Variants in CAPN14 observed in about 807,000 individuals in gnomAD.
CAPN14 encodes the protein calpain-14.
Under a neutral mutation model 101.3 loss-of-function variants are expected in CAPN14, and 94 were observed. That is an observed-to-expected ratio of 0.93 (90% CI 0.79 to 1.10). The LOEUF is 1.10. Among genes scored for constraint, CAPN14 ranks in the 50% least tolerant of loss-of-function variants. The pLI is 0.00. For missense variants in CAPN14, 837 were observed against 828.4 expected, an observed-to-expected ratio of 1.01 and a Z score of -0.13; for synonymous variants, 338 against 317.9, an observed-to-expected ratio of 1.06 and a Z score of -0.67.
rs368345214 is a variant in CAPN14 at position 31,181,169 on chromosome 2, G to A, written c.1646-169C>T. On this transcript the variant is annotated intron_variant, in intron 16 of 21. Transcript: ENST00000403897. ...GTAGAGAGACGGGGGGGTGACGGTC[G>A]TTCCTACCCATGGAGAAAGTCAAAT... Among the ~76,000 whole-genome samples the A allele has an allele frequency of 3.6e-4, 55 of 152,238 alleles. 1 individual carries two copies. The highest frequency in any genetic ancestry group is 1.2e-3 in the African/African-American group (50 of 41,552).
At chr2:31,206,329 C>T (rs1405338681) in intron 1 of CAPN14, among the ~76,000 whole-genome samples, 1 of 152,184 alleles carries the variant, frequency 6.6e-6, no homozygotes, top group African/African-American at 2.4e-5. Flanking sequence ...AAGGCCCCCA[C>T]GGGCGGTCAC....
chr2:31,229,456 T>C (rs553387366), intron 1 of CAPN14, among the ~76,000 whole-genome samples: 1 of 152,130 alleles, frequency 6.6e-6, no homozygotes, highest in African/African-American at 2.4e-5. Context: ...AGCCAAGTAT[T>C]CACTATCAAA....
intron 3 of CAPN14, among the ~76,000 whole-genome samples, chr2:31,202,720 C>A (rs1242404606): frequency 6.6e-6 from 1 of 152,086 alleles, no homozygotes; most frequent in Non-Finnish European, 1.5e-5. Flanking sequence ...CTGCTTTGAT[C>A]CTATTCTGGC....
In CAPN14 at chr2:31,229,149, A is replaced by C. The variant is rs143962434; in HGVS notation, c.-176-2498T>G. ...AACCGTAATTAAAAAGCAAGGGGAC[A>C]ACACACAGTAGATTCAGGATAGGGG... On this transcript the variant is annotated intron_variant and NMD_transcript_variant, in intron 1 of 21. Transcript: ENST00000398824. 5.9e-5 allele frequency among the ~76,000 whole-genome samples: 9 copies of C among 152,334 alleles called. No homozygotes were observed. The East Asian group carries it at 1.7e-3, about 29-fold the overall frequency.
At chr2:31,189,527 T>C in intron 12 of CAPN14, 49 bp from the exon 13 acceptor site, 1 of 1,472,742 alleles carries the variant, frequency 6.8e-7, no homozygotes, top group Non-Finnish European at 9.2e-7. Context: ...GACCCAGGGC[T>C]GTGGCCAGGC....
chr2:31,199,292 G>C (rs1681631337), intron 7 of CAPN14, among the ~76,000 whole-genome samples, 178 bp downstream of exon 7: 1 of 152,138 alleles, frequency 6.6e-6, no homozygotes, highest in Non-Finnish European at 1.5e-5. Context: ...TGCATTGGTG[G>C]TGGCAAAGCC....
chr2:31,201,139 A>ACGTGTGTGTGTGCATGTG (rs1444470280), intron 5 of CAPN14, among the ~76,000 whole-genome samples: 8 of 144,112 alleles, frequency 5.6e-5, no homozygotes, highest in Non-Finnish European at 1.1e-4. Flanking sequence ...GTATGTGTGG[A>ACGTGTGTGTGTGCATGTG]CGTGTGTGTG....
At chr2:31,205,782 A>G (rs962869896) in intron 1 of CAPN14, among the ~76,000 whole-genome samples, 1 of 151,998 alleles carries the variant, frequency 6.6e-6, no homozygotes, top group African/African-American at 2.4e-5. Flanking sequence ...GACTGCACCA[A>G]TGTCACGGGG....
At chr2:31,175,479 G>C (rs1476576605) in intron 21 of CAPN14, among the ~76,000 whole-genome samples, 1 of 152,202 alleles carries the variant, frequency 6.6e-6, no homozygotes, top group Non-Finnish European at 1.5e-5. Context: ...ACTGGACCCT[G>C]CTCAGTTTTG....
chr2:31,183,663 C>A (rs1572394546), intron 16 of CAPN14, among the ~76,000 whole-genome samples: 1 of 152,120 alleles, frequency 6.6e-6, no homozygotes, highest in African/African-American at 2.4e-5. Context: ...GTTAGAATGG[C>A]AATCATTAAA....
Position 31,188,382 on chromosome 2 carries a change from C to CA in CAPN14, c.1494-29dup, listed in dbSNP as rs1572400411. 7 of 1,550,726 alleles carry CA rather than the reference C, an allele frequency of 4.5e-6. No homozygotes were observed. The East Asian group carries it at 1.7e-4, about 38-fold the overall frequency. On this transcript the variant is annotated intron_variant, in intron 13 of 21. Transcript: ENST00000403897. ...GAGAACAAACAAACAAGAACAAACT[C>CA]AGAGTTTCCTCTTGGGAATTTTTTG...
chr2:31,214,593 G>A (rs976454062), intron 1 of CAPN14, among the ~76,000 whole-genome samples: 3 of 152,282 alleles, frequency 2.0e-5, no homozygotes, highest in East Asian at 1.9e-4. Context: ...TGGGGTAGGC[G>A]TCCCCTGGGC....
chr2:31,200,159 A>G (rs980109249), intron 6 of CAPN14, among the ~76,000 whole-genome samples: 1 of 152,110 alleles, frequency 6.6e-6, no homozygotes, highest in African/African-American at 2.4e-5. Context: ...GACCATCACC[A>G]TGCCCGGCTA....
rs1426165065 is a variant in CAPN14 at position 31,201,161 on chromosome 2, ATG to A, written c.552-538_552-537del. Among the ~76,000 whole-genome samples the A allele has an allele frequency of 1.3e-4, 17 of 133,890 alleles. No homozygotes were observed. In the South Asian group the frequency reaches 4.3e-3, roughly 34 times the overall value. The allele number at this position is 133,890 out of a possible 152,430, so 87.8% of individuals were successfully genotyped here. On this transcript the variant is annotated intron_variant, in intron 5 of 21. Coordinates refer to ENST00000403897, the MANE Select transcript of CAPN14 (RefSeq NM_001145122.2). ...TGGACGTGTGTGTGTGCATGTGCGT[ATG>A]TGTGTGCGTGCATGTATGTGCATGT...
intron 15 of CAPN14, 72 bp from the exon 16 acceptor site, chr2:31,186,557 T>C (rs2148677403): frequency 1.8e-6 from 2 of 1,112,808 alleles, no homozygotes; most frequent in Non-Finnish European, 2.6e-6. Flanking sequence ...AGGGGTCATA[T>C]GACTGGCCAT....
At chr2:31,184,566 A>T (rs1680816150) in intron 16 of CAPN14, among the ~76,000 whole-genome samples, 1 of 152,208 alleles carries the variant, frequency 6.6e-6, no homozygotes, top group African/African-American at 2.4e-5. Flanking sequence ...TTTTCAGTCA[A>T]CATTTCCCAA....
chr2:31,176,773 T>TA (rs1680312650), intron 20 of CAPN14, 131 bp from the exon 21 acceptor site: 1 of 836,962 alleles, frequency 1.2e-6, no homozygotes. Context: ...TCAGCCTACA[T>TA]GTGACCACAC....
At chr2:31,201,083 G>A (rs1681735526) in intron 5 of CAPN14, among the ~76,000 whole-genome samples, 1 of 151,854 alleles carries the variant, frequency 6.6e-6, no homozygotes, top group African/African-American at 2.4e-5. Context: ...ACCTCCACAT[G>A]CATGTGTGCA....
intron 7 of CAPN14, among the ~76,000 whole-genome samples, chr2:31,199,194 G>A (rs1681625655): frequency 6.6e-6 from 1 of 152,210 alleles, no homozygotes; most frequent in Non-Finnish European, 1.5e-5. Context: ...AGCCCAGAGT[G>A]AAGCAAAGTT....
Sources: allele counts gnomAD v4.1 joint callset (sites outside exome capture counted in the v4.1 genomes callset), GRCh38; gene constraint gnomAD v4.1.1; transcripts MANE v1.5; gene names NCBI Gene and HGNC (gene_info 2026-07-23, HGNC 2026-07-21).